COMMD5: variants seen among roughly 807,000 people sequenced by gnomAD.
The protein encoded by COMMD5 is COMM domain containing 5.
In COMMD5, 10 loss-of-function variants were observed where a neutral mutation model predicts 6.9. That is an observed-to-expected ratio of 1.44 (90% CI 0.89 to 2.45). The LOEUF (loss-of-function observed/expected upper bound fraction) is 2.45, where lower values mean the gene tolerates loss of function less well. Ranked by LOEUF, COMMD5 falls within the 30% of genes most tolerant of loss-of-function variation. COMMD5 has a pLI of 0.00. For synonymous variants in COMMD5, 127 were observed against 125.3 expected, an observed-to-expected ratio of 1.01 and a Z score of -0.09; for missense variants, 234 against 287.8, an observed-to-expected ratio of 0.81 and a Z score of 1.35.
At chr8:144,851,484 G>T in intron 1 of COMMD5, 89 bp from the exon 2 acceptor site, 1 of 881,196 alleles carries the variant, frequency 1.1e-6, no homozygotes, top group Non-Finnish European at 1.7e-6. Context: ...TCATCAGCAT[G>T]CTGACAGTGT....
intron 1 of COMMD5, chr8:144,843,313 A>C: frequency 9.3e-7 from 1 of 1,077,124 alleles, no homozygotes; most frequent in Non-Finnish European, 1.3e-6. Context: ...CTTCAGGCCG[A>C]GTGTGGTGGC....
rs1479834878 is a variant in COMMD5 at position 144,851,098 on chromosome 8, G to A, written c.241C>T (p.Gln81Ter). ...LGVSANLPEE[Q>*]LGALLAGMHT... ...ATGCCTGCCAGCAGGGCACCCAGCT[G>A]CTCCTCCGGCAGGTTGGCGCTGACC... is the stretch of plus-strand genomic sequence containing the variant. Residue 81 changes from glutamine to a stop codon, truncating the protein, a stop_gained, in exon 2 of 2, where the codon CAG becomes TAG. Coordinates refer to ENST00000305103, the MANE Select transcript of COMMD5 (RefSeq NM_014066.4). LOFTEE classifies it high-confidence loss of function. 1 of 1,612,108 alleles carries A rather than the reference G, an allele frequency of 6.2e-7. No individual in the cohort carries two copies.
chr8:144,851,913 G>C (rs754621089), intron 1 of COMMD5, among the ~76,000 whole-genome samples: 2 of 152,076 alleles, frequency 1.3e-5, no homozygotes, highest in Non-Finnish European at 2.9e-5. Flanking sequence ...TGAGGCCAGC[G>C]GATCGCTTGA....
At chr8:144,842,834 C>G in intron 1 of COMMD5, 5 of 1,614,156 alleles carry the variant, frequency 3.1e-6, no homozygotes, top group Non-Finnish European at 3.4e-6. Flanking sequence ...ATAATTCATG[C>G]AGGGGTGAAG....
At chr8:144,841,822 A>C in intron 1 of COMMD5, 1 of 1,614,222 alleles carries the variant, frequency 6.2e-7, no homozygotes, top group Non-Finnish European at 8.5e-7. Context: ...CTTGCAGGGG[A>C]AACATACAAA....
downstream of COMMD5, chr8:144,846,892 G>T (rs1386677827): frequency 1.3e-5 from 2 of 152,120 alleles, no homozygotes; most frequent in African/African-American, 2.4e-5. Flanking sequence ...ATAGAGACGG[G>T]GTTTCACTGT....
downstream of COMMD5, among the ~76,000 whole-genome samples, chr8:144,848,015 T>A (rs1483174295): frequency 2.6e-5 from 4 of 151,716 alleles, no homozygotes; most frequent in African/African-American, 9.7e-5. Context: ...CTAAGAATGG[T>A]TTTTCAATGG....
At chr8:144,841,802 T>TAG in intron 1 of COMMD5, 1 of 1,614,180 alleles carries the variant, frequency 6.2e-7, no homozygotes, top group Non-Finnish European at 8.5e-7. Context: ...CAAAAAAAGT[T>TAG]ATCTGACTGC....
chr8:144,841,531 A>G, exon 2 of COMMD5: 1 of 1,614,188 alleles, frequency 6.2e-7, no homozygotes, highest in Non-Finnish European at 8.5e-7. Context: ...TCCCGGGCTG[A>G]AAGTGACAGG....
rs773137377 is a variant in COMMD5, at chr8:144,851,201, G to C, written c.138C>G (p.Ser46Arg). 1.9e-6 allele frequency: 3 copies of C among 1,613,860 alleles called. No homozygotes were observed. In the South Asian group the frequency reaches 3.3e-5, roughly 18 times the overall value. Reference sequence around the variant, plus strand: ...CAAACTTCAGCAACTTTCTGAACGTGCTCCTGTCTAGGTCCCCTAGTAGCC... The same window carrying C: ...CAAACTTCAGCAACTTTCTGAACGTCCTCCTGTCTAGGTCCCCTAGTAGCC... ...MARLLGDLDR[S>R]TFRKLLKFVV... The change falls in exon 2 of 2, where the codon AGC becomes AGG. Residue 46 changes from serine (S) to arginine (R), a missense_variant. Transcript: ENST00000305103.
chr8:144,846,993 G>A (rs1735402), downstream of COMMD5: 1 of 152,128 alleles, frequency 6.6e-6, no homozygotes, highest in Non-Finnish European at 1.5e-5. Context: ...CCACCATGCC[G>A]AGCTGAGGAG....
chr8:144,846,559 T>C (rs191521804), downstream of COMMD5: 1 of 193,552 alleles, frequency 5.2e-6, no homozygotes, highest in East Asian at 1.2e-4. Flanking sequence ...TGAAGGATTA[T>C]TTTTCCTCTC....
downstream of COMMD5, among the ~76,000 whole-genome samples, chr8:144,848,359 C>T (rs1300296349): frequency 2.0e-5 from 3 of 151,758 alleles, no homozygotes; most frequent in East Asian, 1.9e-4. Context: ...AGGCCAGGCT[C>T]GGTGGCTCAT....
chr8:144,846,267 T>C, downstream of COMMD5: 1 of 1,305,008 alleles, frequency 7.7e-7, no homozygotes, highest in Non-Finnish European at 1.0e-6. Context: ...AGCTTCATTC[T>C]GCTTCAGCAC....
downstream of COMMD5, among the ~76,000 whole-genome samples, chr8:144,849,744 C>T (rs1830653541): frequency 6.6e-6 from 1 of 152,078 alleles, no homozygotes; most frequent in Non-Finnish European, 1.5e-5. Context: ...TCCCTGCCAC[C>T]AACTCCACCC....
Position 144,851,308 on chromosome 8 carries a change from G to C in COMMD5, c.31C>G (p.Leu11Val), listed in dbSNP as rs1394013103. 1 of 1,612,556 alleles carries C rather than the reference G, an allele frequency of 6.2e-7. No individual in the cohort carries two copies. Among genetic ancestry groups the C allele is most frequent in the African/African-American group, 1.3e-5 (1 of 74,916 alleles). MSAVGAATPYLHHPGDSHSGR... is the reference protein window; with the variant it reads MSAVGAATPYVHHPGDSHSGR... Reference sequence around the variant, plus strand: ...CTGTGACTATCACCAGGATGATGCAGGTATGGAGTTGCAGCCCCCACAGCA... The same window carrying C: ...CTGTGACTATCACCAGGATGATGCACGTATGGAGTTGCAGCCCCCACAGCA... Residue 11 changes from leucine to valine, a missense_variant, in exon 2 of 2, where the codon CTG becomes GTG. Leu to Val is a conservative substitution (Grantham distance 32). Transcript: ENST00000305103.
downstream of COMMD5, among the ~76,000 whole-genome samples, chr8:144,849,362 T>C (rs111670600): frequency 0.013 from 1,906 of 152,208 alleles, 34 homozygotes; most frequent in African/African-American, 0.043. Flanking sequence ...AGAGGGCACC[T>C]GGGCTCCTCC....
chr8:144,852,509 C>T lies in COMMD5; in HGVS notation c.-58+330G>A, dbSNP rs1252247595. The stretch of plus-strand genomic sequence containing the variant: ...CCTGTCCTCGAGGCACTTGTCAGGC[C>T]ACTCTGCACAGCGCTGGGGGAGCCC... On this transcript the variant is annotated intron_variant, in intron 1 of 1. Coordinates refer to ENST00000305103, the MANE Select transcript of COMMD5 (RefSeq NM_014066.4). 4 of 152,448 alleles carry T rather than the reference C, an allele frequency of 2.6e-5. No homozygotes were observed. The East Asian group carries it at 7.7e-4, about 29-fold the overall frequency. The allele number at this position is 152,448 out of a possible 1,614,324, so 9.4% of individuals were successfully genotyped here.
At chr8:144,843,279 A>G in intron 1 of COMMD5, 3 of 1,328,240 alleles carry the variant, frequency 2.3e-6, no homozygotes, top group Non-Finnish European at 3.0e-6. Context: ...GTAAAGGTTC[A>G]GAATTGCTCT....
Sources: gnomAD v4.1 joint callset for allele counts (sites outside exome capture counted in the v4.1 genomes callset) on GRCh38, gnomAD v4.1.1 for gene constraint, MANE v1.5 for transcripts, NCBI Gene and HGNC (gene_info 2026-07-23, HGNC 2026-07-21) for gene names.